The following RBM25 variants were observed in gnomAD, a reference collection of about 807,000 sequenced individuals.
The protein encoded by RBM25 is RNA binding motif protein 25.
Under a neutral mutation model 120.7 loss-of-function variants are expected in RBM25, and 19 were observed. That is an observed-to-expected ratio of 0.16 (90% CI 0.11 to 0.23). RBM25 has a LOEUF of 0.23. Among genes scored for constraint, RBM25 ranks in the 10% least tolerant of loss-of-function variants. The probability of loss-of-function intolerance (pLI) is 1.00; values close to 1 mark genes in which losing one functional copy is unlikely to be tolerated. For missense variants in RBM25, 605 were observed against 1,041.5 expected (o/e 0.58, Z 5.77); for synonymous variants, 390 against 326.7 (o/e 1.19, Z -2.09).
At chr14:73,095,818 A>G (rs1370485914) in intron 6 of RBM25, among the ~76,000 whole-genome samples, 1 of 152,144 alleles carries the variant, frequency 6.6e-6, no homozygotes, top group Non-Finnish European at 1.5e-5. Context: ...GCACATGAGC[A>G]TGGTTCTTGT....
chr14:73,100,206 T>A (rs1896031146), intron 9 of RBM25: 5 of 591,106 alleles, frequency 8.5e-6, no homozygotes, highest in Non-Finnish European at 1.5e-5. Flanking sequence ...AAACAGTAGG[T>A]CAGTGGTTAC....
At chr14:73,117,205 C>CTTTTA (rs1896448964) in intron 18 of RBM25, among the ~76,000 whole-genome samples, 34 of 36,558 alleles carry the variant, frequency 9.3e-4, no homozygotes, top group African/African-American at 3.4e-3. Flanking sequence ...TTTCTTTCTT[C>CTTTTA]TTTTCTTTTT....
chr14:73,074,249 C>T (rs950234484), intron 2 of RBM25, among the ~76,000 whole-genome samples: 7 of 152,096 alleles, frequency 4.6e-5, no homozygotes, highest in Non-Finnish European at 1.0e-4. Context: ...GACAGGATCT[C>T]TCTTTGTCTC....
chr14:73,076,315 T>C lies in RBM25; in HGVS notation c.107-4T>C. 2.5e-6 allele frequency: 4 copies of C among 1,610,572 alleles called. No individual in the cohort carries two copies. The highest frequency in any genetic ancestry group is 3.4e-6 in the Non-Finnish European group (4 of 1,176,818). On this transcript the variant is annotated splice_polypyrimidine_tract_variant and splice_region_variant and intron_variant, in intron 2 of 18. Coordinates refer to ENST00000261973, the MANE Select transcript of RBM25 (RefSeq NM_021239.3). Reference sequence around the variant, plus strand: ...TAAAATCAGTGTGGTTTTTCTTTTCTTAGGGACCCCAATGATTCCTGTACC... The same window carrying C: ...TAAAATCAGTGTGGTTTTTCTTTTCCTAGGGACCCCAATGATTCCTGTACC...
At chr14:73,076,056 A>G (rs1350136251) in intron 2 of RBM25, among the ~76,000 whole-genome samples, 1 of 152,238 alleles carries the variant, frequency 6.6e-6, no homozygotes, top group Non-Finnish European at 1.5e-5. Flanking sequence ...CCGAATGGAT[A>G]ACTATCCAGG....
chr14:73,069,962 A>T (rs996790173), intron 1 of RBM25: 1 of 151,534 alleles, frequency 6.6e-6, no homozygotes, highest in Non-Finnish European at 1.5e-5. Context: ...ATTGTTTTTA[A>T]TACTAAAAAT....
At chr14:73,062,227 G>A (rs910338229) in intron 1 of RBM25, among the ~76,000 whole-genome samples, 1 of 151,188 alleles carries the variant, frequency 6.6e-6, no homozygotes, top group African/African-American at 2.4e-5. Flanking sequence ...AAACAATTGA[G>A]TATTTTCATA....
At chr14:73,074,941 CA>C (rs1895379057) in intron 2 of RBM25, among the ~76,000 whole-genome samples, 2 of 151,222 alleles carry the variant, frequency 1.3e-5, no homozygotes, top group African/African-American at 4.9e-5. Flanking sequence ...CTTGGCCTCC[CA>C]AAGTGTTTGG....
chr14:73,115,858 A>T (rs1239265230), intron 18 of RBM25, among the ~76,000 whole-genome samples: 1 of 152,212 alleles, frequency 6.6e-6, no homozygotes, highest in Non-Finnish European at 1.5e-5. Flanking sequence ...GAGTGTAGAA[A>T]GTTCAAGTCT....
chr14:73,064,061 G>T (rs1895068847), intron 1 of RBM25, among the ~76,000 whole-genome samples: 2 of 151,184 alleles, frequency 1.3e-5, no homozygotes, highest in Non-Finnish European at 3.0e-5. Flanking sequence ...TCCTGCCTCT[G>T]CCTCTTTTAA....
rs1255718107 is a variant in RBM25 at position 73,061,088 on chromosome 14, C to T, written c.-16+2383C>T. The stretch of plus-strand genomic sequence containing the variant: ...TTTTTCCTTTTTGGAGATGGAGTCT[C>T]GCTCTGTCACCCAGGCTGGAGTGTA... On this transcript the variant is annotated intron_variant, in intron 1 of 18. Coordinates refer to ENST00000261973, the MANE Select transcript of RBM25 (RefSeq NM_021239.3). 1.0e-4 allele frequency among the ~76,000 whole-genome samples: 15 copies of T among 148,798 alleles called. 1 individual carries two copies. Among genetic ancestry groups the T allele is most frequent in the East Asian group, 9.7e-4 (5 of 5,146 alleles).
intron 7 of RBM25, among the ~76,000 whole-genome samples, chr14:73,097,550 G>C (rs906215922): frequency 2.0e-5 from 3 of 151,960 alleles, no homozygotes; most frequent in African/African-American, 7.3e-5. Flanking sequence ...TTCTAGGCTG[G>C]TCTCCAACTC....
chr14:73,085,286 G>A (rs1294818538), intron 5 of RBM25, among the ~76,000 whole-genome samples: 1 of 151,746 alleles, frequency 6.6e-6, no homozygotes, highest in African/African-American at 2.4e-5. Flanking sequence ...CAAAGTGCTG[G>A]GATTACAGAC....
chr14:73,062,827 T>C (rs1158943476), intron 1 of RBM25, among the ~76,000 whole-genome samples: 3 of 150,964 alleles, frequency 2.0e-5, no homozygotes, highest in African/African-American at 7.3e-5. Context: ...GTTTCTGTTA[T>C]TTTATTTAAT....
intron 1 of RBM25, among the ~76,000 whole-genome samples, chr14:73,069,395 C>T (rs548136016): frequency 2.6e-5 from 4 of 152,258 alleles, no homozygotes; most frequent in African/African-American, 4.8e-5. Context: ...TTTATGTTTT[C>T]TCTTTTTATG....
Position 73,099,450 on chromosome 14 carries a change from G to A in RBM25, c.783+17G>A. The A allele has an allele frequency of 6.2e-7, 1 of 1,607,070 alleles. No homozygotes were observed. The highest frequency in any genetic ancestry group is 8.5e-7 in the Non-Finnish European group (1 of 1,176,824). ...ATCACTAAGGTTAGTTTAAATTGTA[G>A]GCTTTGACAATACCTGTGTTTACTG... On this transcript the variant is annotated intron_variant, in intron 8 of 18. Coordinates refer to ENST00000261973, the MANE Select transcript of RBM25 (RefSeq NM_021239.3).
intron 6 of RBM25, among the ~76,000 whole-genome samples, chr14:73,094,592 C>A (rs140004963): frequency 1.3e-5 from 2 of 151,618 alleles, no homozygotes. Flanking sequence ...GGACCATGCC[C>A]GGCTAATTTT....
chr14:73,067,131 A>T (rs1895157575), intron 1 of RBM25, among the ~76,000 whole-genome samples: 1 of 141,016 alleles, frequency 7.1e-6, no homozygotes. Context: ...GTGCAATGGC[A>T]CCGTCTCGGC....
chr14:73,078,000 C>CA (rs148320941), intron 4 of RBM25, among the ~76,000 whole-genome samples: 2,272 of 151,936 alleles, frequency 0.015, 58 homozygotes, highest in African/African-American at 0.051. Context: ...CACATCTTTA[C>CA]AAAAAATTAA....
Sources: allele counts gnomAD v4.1 joint callset (sites outside exome capture counted in the v4.1 genomes callset), GRCh38; gene constraint gnomAD v4.1.1; transcripts MANE v1.5; gene names NCBI Gene and HGNC (gene_info 2026-07-23, HGNC 2026-07-21).